Variants in MTMR9 observed in about 807,000 individuals in gnomAD.
The protein encoded by MTMR9 is myotubularin-related protein 9.
A neutral mutation model predicts 69.5 loss-of-function variants in MTMR9; 39 were observed. The ratio of observed to expected loss-of-function variants is 0.56; its 90% confidence interval spans 0.43 to 0.73. The LOEUF (loss-of-function observed/expected upper bound fraction) is 0.73. Among genes scored for constraint, MTMR9 ranks in the 30% least tolerant of loss-of-function variants. The pLI, the probability that MTMR9 is intolerant of heterozygous loss-of-function variation, is 0.00. For missense variants in MTMR9, 900 were observed against 671.2 expected (o/e 1.34, Z -3.77); for synonymous variants, 354 against 240.8 (o/e 1.47, Z -4.35).
the MTMR9 span, among the ~76,000 whole-genome samples, chr8:11,334,844 A>G: frequency 6.6e-6 from 1 of 152,222 alleles, no homozygotes; most frequent in African/African-American, 2.4e-5. Context: ...GAAAAACCAC[A>G]TGGTCATATC....
intron 3 of MTMR9, among the ~76,000 whole-genome samples, chr8:11,304,093 G>C (rs891676768): frequency 3.3e-5 from 5 of 151,676 alleles, no homozygotes; most frequent in Non-Finnish European, 1.5e-5. Context: ...CAGTGTTCAA[G>C]CTGTTTTTAA....
At chr8:11,308,467 C>T (rs751629506) in intron 5 of MTMR9, among the ~76,000 whole-genome samples, 4 of 152,164 alleles carry the variant, frequency 2.6e-5, no homozygotes, top group South Asian at 2.1e-4. Context: ...TCAGGTACTG[C>T]GTGAGGCCAT....
At position 11,287,786 on chromosome 8, in the gene MTMR9, TTA is replaced by T. The variant is rs1210309587; in HGVS notation, c.182+2723_182+2724del. ...TTATTTATTATATATTTATTATATA[TTA>T]TATATAATACATATTATATAATACA... On this transcript the variant is annotated intron_variant, in intron 1 of 9. Transcript: ENST00000221086. 9.6e-3 allele frequency among the ~76,000 whole-genome samples: 1,059 copies of T among 110,212 alleles called. 4 individuals are homozygous for T. The highest frequency in any genetic ancestry group is 0.019 in the Admixed American group (149 of 7,882). The allele number at this position is 110,212 out of a possible 152,430, so 72.3% of individuals were successfully genotyped here. A position where few individuals can be genotyped will look rare whatever the true frequency, so the allele number is the denominator to read the frequency against.
chr8:11,304,905 T>C lies in MTMR9; in HGVS notation c.482T>C (p.Ile161Thr), dbSNP rs757575958. 6 of 1,613,982 alleles carry C rather than the reference T, an allele frequency of 3.7e-6. No individual in the cohort carries two copies. The Admixed American group carries it at 8.3e-5, about 22-fold the overall frequency. ...EFAVCPSYPP[I>T]VTVPKSIDDE... The stretch of plus-strand genomic sequence containing the variant: ...GCTGTCTGTCCCTCTTACCCACCAA[T>C]TGTCACAGTGCCCAAATCCATCGAT... Residue 161 changes from isoleucine to threonine, a missense_variant, in exon 4 of 10, where the codon ATT becomes ACT. Ile to Thr is a moderately conservative substitution (Grantham distance 89, BLOSUM62 -1). Coordinates refer to ENST00000221086, the MANE Select transcript of MTMR9 (RefSeq NM_015458.4).
At position 11,294,500 on chromosome 8, in the gene MTMR9, C is replaced by CTTTTTT. The variant is rs61227530; in HGVS notation, c.183-681_183-676dup. ...TGTTAGATTTTGTCAAATACTTTCA[C>CTTTTTT]TTTTTTTTTTTTTTTTTTGAGACAG... On this transcript the variant is annotated intron_variant, in intron 1 of 9. Transcript: ENST00000221086. 1.1e-3 allele frequency among the ~76,000 whole-genome samples: 120 copies of CTTTTTT among 105,784 alleles called. 15 individuals are homozygous for CTTTTTT. The highest frequency in any genetic ancestry group is 5.1e-3 in the African/African-American group (114 of 22,426). 69.4% of individuals were successfully genotyped at this position (105,784 alleles called of 152,430 possible). A position where few individuals can be genotyped will look rare whatever the true frequency, so the allele number is the denominator to read the frequency against.
At chr8:11,306,898 C>T (rs1799959699) in intron 5 of MTMR9, among the ~76,000 whole-genome samples, 1 of 152,142 alleles carries the variant, frequency 6.6e-6, no homozygotes, top group Non-Finnish European at 1.5e-5. Context: ...CTTCCTCTGG[C>T]AACCACCATT....
chr8:11,298,898 G>T, intron 2 of MTMR9: 1 of 983,792 alleles, frequency 1.0e-6, no homozygotes, highest in Non-Finnish European at 1.2e-6. Context: ...ATTTGGGGCT[G>T]ATAGAGTTAT....
At chr8:11,313,777 A>G (rs1800298945) in intron 6 of MTMR9, among the ~76,000 whole-genome samples, 1 of 152,204 alleles carries the variant, frequency 6.6e-6, no homozygotes, top group African/African-American at 2.4e-5. Context: ...AAACTTGTAG[A>G]AGTAACATCA....
intron 1 of MTMR9, among the ~76,000 whole-genome samples, chr8:11,286,802 G>C (rs1278461021): frequency 6.6e-6 from 1 of 151,734 alleles, no homozygotes; most frequent in Admixed American, 6.6e-5. Flanking sequence ...CTTTTAACGA[G>C]CCTTTCTTGC....
chr8:11,328,874 G>A, downstream of MTMR9, among the ~76,000 whole-genome samples: 1 of 152,194 alleles, frequency 6.6e-6, no homozygotes. Context: ...CAGCACCACT[G>A]TTGGAGGGAA....
chr8:11,305,029 C>G lies in MTMR9; in HGVS notation c.591+15C>G. 2.5e-6 allele frequency: 4 copies of G among 1,611,258 alleles called. No individual in the cohort carries two copies. The highest frequency in any genetic ancestry group is 1.1e-5 in the South Asian group (1 of 90,844). On this transcript the variant is annotated intron_variant, in intron 4 of 9. Transcript: ENST00000221086. The stretch of plus-strand genomic sequence containing the variant: ...AAAATGGGATGGTAAGTGCACAGCA[C>G]TACTGCTTGATGTACTGAAAGGCTT...
intron 3 of MTMR9, 45 bp from the exon 4 acceptor site, chr8:11,304,796 A>G: frequency 6.3e-7 from 1 of 1,583,094 alleles, no homozygotes; most frequent in Non-Finnish European, 8.6e-7. Flanking sequence ...TTATTTTGCG[A>G]CATTGAGATA....
chr8:11,315,258 C>G (rs946572513), intron 7 of MTMR9, among the ~76,000 whole-genome samples, 194 bp downstream of exon 7: 1 of 152,198 alleles, frequency 6.6e-6, no homozygotes. Context: ...TCACTTGACA[C>G]TTCCTTCACT....
chr8:11,338,738 G>C, the MTMR9 span, among the ~76,000 whole-genome samples: 14 of 152,180 alleles, frequency 9.2e-5, no homozygotes, highest in African/African-American at 2.9e-4. Flanking sequence ...TTTTTGCTCA[G>C]TTTCTAAATC....
intron 3 of MTMR9, among the ~76,000 whole-genome samples, chr8:11,301,081 C>G (rs940165538): frequency 2.0e-5 from 3 of 152,162 alleles, no homozygotes; most frequent in Non-Finnish European, 2.9e-5. Flanking sequence ...GGATTTGGCT[C>G]ATTAAAGTGG....
chr8:11,298,126 T>G (rs973473152), intron 2 of MTMR9, among the ~76,000 whole-genome samples: 2 of 152,204 alleles, frequency 1.3e-5, no homozygotes, highest in Non-Finnish European at 2.9e-5. Flanking sequence ...TTTCAGTGTT[T>G]CACCTGCCTT....
At chr8:11,303,246 G>A (rs1318756416) in intron 3 of MTMR9, among the ~76,000 whole-genome samples, 2 of 150,126 alleles carry the variant, frequency 1.3e-5, no homozygotes, top group Non-Finnish European at 1.5e-5. Flanking sequence ...CAAGTGCGAC[G>A]GGATGGAGAG....
Position 11,295,226 on chromosome 8 carries a change from A to G in MTMR9, c.215A>G (p.Lys72Arg). Reference protein sequence around the residue: ...FVGSLGTIIIKCKDFRIIQLD... With the variant: ...FVGSLGTIIIRCKDFRIIQLD... ...GGATCACTGGGTACCATCATCATAA[A>G]ATGTAAAGATTTTCGAATTATTCAG... Residue 72 changes from lysine (K) to arginine (R), a missense_variant, in exon 2 of 10, where the codon AAA (lysine) becomes AGA (arginine). Transcript: ENST00000221086. The G allele has an allele frequency of 6.2e-7, 1 of 1,610,994 alleles. No individual in the cohort carries two copies. Among genetic ancestry groups the G allele is most frequent in the South Asian group, 1.1e-5 (1 of 90,870 alleles).
chr8:11,338,472 T>C, the MTMR9 span, among the ~76,000 whole-genome samples: 3 of 152,164 alleles, frequency 2.0e-5, no homozygotes, highest in Non-Finnish European at 4.4e-5. Context: ...GGATAGAATT[T>C]CAGAATAGCA....
Sources: gnomAD v4.1 joint callset for allele counts (sites outside exome capture counted in the v4.1 genomes callset) on GRCh38, gnomAD v4.1.1 for gene constraint, MANE v1.5 for transcripts, NCBI Gene and HGNC (gene_info 2026-07-23, HGNC 2026-07-21) for gene names.